Variants in PRKG1 observed in about 807,000 individuals in gnomAD.
PRKG1 encodes protein kinase cGMP-dependent 1.
PRKG1 carries 35 observed loss-of-function variants against 88.1 expected under a neutral mutation model. The observed-to-expected ratio is 0.40, with a 90% CI of 0.30 to 0.53. The LOEUF is 0.53. Among genes scored for constraint, PRKG1 ranks in the 20% least tolerant of loss-of-function variants. The probability of loss-of-function intolerance (pLI) is 0.59; values close to 1 mark genes in which losing one functional copy is unlikely to be tolerated. For synonymous variants in PRKG1, 303 were observed against 292.5 expected (o/e 1.04, Z -0.37); for missense variants, 540 against 839.8 (o/e 0.64, Z 4.41).
At chr10:51,731,746 C>CT (rs1195677574) in intron 3 of PRKG1, among the ~76,000 whole-genome samples, 1 of 152,154 alleles carries the variant, frequency 6.6e-6, no homozygotes, top group African/African-American at 2.4e-5. Context: ...GATTTGGAAG[C>CT]TATGTTAGTT....
chr10:51,273,110 A>T (rs1840023658), intron 2 of PRKG1, among the ~76,000 whole-genome samples: 1 of 152,170 alleles, frequency 6.6e-6, no homozygotes. Context: ...CTGGGCATGG[A>T]GTCTTCTTAA....
chr10:52,273,606 C>T (rs1162200308), intron 12 of PRKG1, among the ~76,000 whole-genome samples: 1 of 151,996 alleles, frequency 6.6e-6, no homozygotes, highest in Non-Finnish European at 1.5e-5. Flanking sequence ...TCGTGTTATT[C>T]CCATGGCCTT....
intron 3 of PRKG1, among the ~76,000 whole-genome samples, chr10:51,618,035 A>T (rs1040889874): frequency 1.3e-5 from 2 of 152,164 alleles, no homozygotes; most frequent in African/African-American, 4.8e-5. Context: ...TCCTCATTGC[A>T]ATTGTATCTG....
intron 2 of PRKG1, among the ~76,000 whole-genome samples, chr10:51,345,081 A>G (rs550571467): frequency 6.6e-6 from 1 of 152,316 alleles, no homozygotes; most frequent in Non-Finnish European, 1.5e-5. Flanking sequence ...TCTTGGTGAA[A>G]TATAACCAGA....
intron 2 of PRKG1, among the ~76,000 whole-genome samples, chr10:51,171,659 G>A (rs1320745737): frequency 1.3e-5 from 2 of 152,020 alleles, no homozygotes; most frequent in Admixed American, 1.3e-4. Context: ...AAGTAATCTC[G>A]ACAAAGGCAG....
At chr10:51,573,510 T>C (rs1837809294) in intron 3 of PRKG1, among the ~76,000 whole-genome samples, 1 of 151,934 alleles carries the variant, frequency 6.6e-6, no homozygotes, top group African/African-American at 2.4e-5. Context: ...GTACATGTTT[T>C]TCATCAGTGA....
At chr10:51,821,683 A>ATATATATTGACC (rs147642342) in intron 4 of PRKG1, among the ~76,000 whole-genome samples, 24,202 of 151,756 alleles carry the variant, frequency 0.16, 2,907 homozygotes, top group African/African-American at 0.34. Context: ...GTATTGACCT[A>ATATATATTGACC]TATATATTGA....
chr10:52,145,073 G>A (rs374880070), intron 8 of PRKG1, among the ~76,000 whole-genome samples: 1 of 152,182 alleles, frequency 6.6e-6, no homozygotes, highest in Admixed American at 6.5e-5. Context: ...CAGATAGTCA[G>A]CAGATGTCCA....
intron 3 of PRKG1, among the ~76,000 whole-genome samples, chr10:51,570,175 G>A (rs998510697): frequency 6.6e-6 from 1 of 150,942 alleles, no homozygotes; most frequent in African/African-American, 2.4e-5. Context: ...GAATGACACA[G>A]GAGTTGGATC....
chr10:51,404,432 A>G (rs1453735579), intron 2 of PRKG1, among the ~76,000 whole-genome samples: 1 of 152,246 alleles, frequency 6.6e-6, no homozygotes, highest in African/African-American at 2.4e-5. Flanking sequence ...TCAGAAAACA[A>G]ACCCAGCTGG....
At chr10:51,643,121 T>TAA (rs143161990) in intron 3 of PRKG1, among the ~76,000 whole-genome samples, 14 of 152,034 alleles carry the variant, frequency 9.2e-5, no homozygotes, top group African/African-American at 2.9e-4. Flanking sequence ...ATGCTTGAGT[T>TAA]AAAAAAATTA....
At chr10:52,140,606 TG>T (rs1346307857) in intron 8 of PRKG1, among the ~76,000 whole-genome samples, 7 of 152,182 alleles carry the variant, frequency 4.6e-5, no homozygotes, top group Non-Finnish European at 8.8e-5. Context: ...GAGATTAAAA[TG>T]GTTCTCTGCA....
At chr10:51,416,024 C>T (rs1241660995) in intron 2 of PRKG1, among the ~76,000 whole-genome samples, 1 of 151,906 alleles carries the variant, frequency 6.6e-6, no homozygotes, top group Non-Finnish European at 1.5e-5. Flanking sequence ...TTTATTAGAA[C>T]TCATTATATT....
At chr10:52,136,221 G>T (rs1209358479) in intron 8 of PRKG1, among the ~76,000 whole-genome samples, 3 of 152,096 alleles carry the variant, frequency 2.0e-5, no homozygotes, top group African/African-American at 7.2e-5. Flanking sequence ...TGGAGCAAAT[G>T]AAATACTAAA....
chr10:52,049,784 GA>G lies in PRKG1; in HGVS notation c.763-4698del, dbSNP rs1845943639. 2.6e-5 allele frequency among the ~76,000 whole-genome samples: 4 copies of G among 152,060 alleles called. No homozygotes were observed. In the South Asian group the frequency reaches 8.3e-4, roughly 32 times the overall value. On this transcript the variant is annotated intron_variant, in intron 5 of 17. Transcript: ENST00000373980. ...GGCAATATTAATGATGGGGATTAAG[GA>G]AGACTACCTCATTTGTGCAATTAGT...
intron 3 of PRKG1, chr10:51,696,845 T>C (rs1841306543): frequency 6.6e-6 from 1 of 152,152 alleles, no homozygotes; most frequent in South Asian, 2.1e-4. Flanking sequence ...AACCAGTCCC[T>C]AGACACTGAT....
chr10:51,368,282 A>G (rs1842630524), intron 2 of PRKG1, among the ~76,000 whole-genome samples: 1 of 152,044 alleles, frequency 6.6e-6, no homozygotes, highest in Non-Finnish European at 1.5e-5. Context: ...ATCGAAACAT[A>G]TTACACTTTT....
Position 51,538,429 on chromosome 10 carries a change from G to A in PRKG1, c.592+70593G>A, listed in dbSNP as rs955578424. On this transcript the variant is annotated intron_variant, in intron 3 of 17. Transcript: ENST00000373980. ...CATATACATATAATATATGATATAT[G>A]ATATATAATAATGTATTATATATTA... Among the ~76,000 whole-genome samples, 8 of 148,134 alleles carry A rather than the reference G, an allele frequency of 5.4e-5. No individual in the cohort carries two copies. In the East Asian group the frequency reaches 9.8e-4, roughly 18 times the overall value.
At chr10:51,512,016 A>G (rs1011834374) in intron 3 of PRKG1, among the ~76,000 whole-genome samples, 1 of 152,176 alleles carries the variant, frequency 6.6e-6, no homozygotes, top group Non-Finnish European at 1.5e-5. Context: ...CAAAACTGTC[A>G]GTCATAAAAT....
Sources: gnomAD v4.1 joint callset for allele counts (sites outside exome capture counted in the v4.1 genomes callset) on GRCh38, gnomAD v4.1.1 for gene constraint, MANE v1.5 for transcripts, NCBI Gene and HGNC (gene_info 2026-07-23, HGNC 2026-07-21) for gene names.